Variants in NINL observed in about 807,000 individuals in gnomAD.
NINL encodes the protein ninein like.
Under a neutral mutation model 160.3 loss-of-function variants are expected in NINL, and 153 were observed. The ratio of observed to expected loss-of-function variants is 0.95; its 90% CI spans 0.84 to 1.09. NINL has a LOEUF of 1.09. NINL is among the 50% of genes least tolerant of loss of function. The pLI is 0.00. For missense variants in NINL, 1,829 were observed against 1,764.0 expected (o/e 1.04, Z -0.66); for synonymous variants, 800 against 734.8 (o/e 1.09, Z -1.43).
intron 17 of NINL, among the ~76,000 whole-genome samples, chr20:25,470,973 C>T (rs1021444914): frequency 6.6e-6 from 1 of 152,172 alleles, no homozygotes; most frequent in African/African-American, 2.4e-5. Flanking sequence ...TTTTTTCAGT[C>T]TGAAAATACT....
Position 25,489,164 on chromosome 20 carries a change from C to T in NINL, c.1677+80G>A, listed in dbSNP as rs537152589. ...GAGGCTCTCCCTGGAGCAGACACTC[C>T]TGCGTTACTGTGGACCACCTGCGTG... On this transcript the variant is annotated intron_variant, in intron 13 of 23. Transcript: ENST00000278886. 5.2e-5 allele frequency: 69 copies of T among 1,321,796 alleles called. No individual in the cohort carries two copies. In the African/African-American group the frequency reaches 7.9e-4, roughly 15 times the overall value. 81.9% of individuals were successfully genotyped at this position (1,321,796 alleles called of 1,614,324 possible).
At chr20:25,553,918 G>T (rs2064833511) in intron 1 of NINL, among the ~76,000 whole-genome samples, 1 of 152,222 alleles carries the variant, frequency 6.6e-6, no homozygotes, top group African/African-American at 2.4e-5. Context: ...GGCTCTTCTT[G>T]TTGTCTGAGG....
At chr20:25,553,373 T>A (rs2064828128) in intron 1 of NINL, among the ~76,000 whole-genome samples, 1 of 152,154 alleles carries the variant, frequency 6.6e-6, no homozygotes, top group Admixed American at 6.6e-5. Flanking sequence ...AGCCACTCAC[T>A]GGTCCCCGCC....
At chr20:25,504,811 G>C in intron 6 of NINL, 77 bp downstream of exon 6, 1 of 1,463,002 alleles carries the variant, frequency 6.8e-7, no homozygotes, top group Admixed American at 1.7e-5. Context: ...CTGAAGGGTA[G>C]AGGGGTTTCC....
At position 25,526,582 on chromosome 20, in the gene NINL, A is replaced by C. The variant is rs749721614; in HGVS notation, c.6T>G (p.Asp2Glu). 6 of 1,613,726 alleles carry C rather than the reference A, an allele frequency of 3.7e-6. No individual in the cohort carries two copies. The highest frequency in any genetic ancestry group is 1.1e-5 in the South Asian group (1 of 91,064). M[D>E]EEENHYVSQL... ...GCGAGACATAGTGGTTCTCTTCTTC[A>C]TCCATCCCATAGCAGGCTGGCAGTG... The change falls in exon 2 of 24, where the codon GAT becomes GAG. Residue 2 changes from aspartate (D) to glutamate (E), a missense_variant. By Grantham distance (45) the Asp-to-Glu change is conservative (BLOSUM62 2). Transcript: ENST00000278886.
intron 13 of NINL, among the ~76,000 whole-genome samples, chr20:25,484,138 C>T (rs753608032): frequency 1.4e-4 from 22 of 152,200 alleles, no homozygotes; most frequent in Non-Finnish European, 1.2e-4. Context: ...AGGTAACAAA[C>T]CTGCACAGGT....
chr20:25,580,961 G>A (rs1392460078), intron 1 of NINL, among the ~76,000 whole-genome samples: 1 of 152,240 alleles, frequency 6.6e-6, no homozygotes. Context: ...CCAAGGAATG[G>A]AACAGCAAAG....
rs753876678 is a variant in NINL at position 25,453,408 on chromosome 20, T to A, written c.*43A>T. 11 of 1,536,980 alleles carry A rather than the reference T, an allele frequency of 7.2e-6. No individual in the cohort carries two copies. The highest frequency in any genetic ancestry group is 8.8e-6 in the Non-Finnish European group (10 of 1,132,494). On this transcript the variant is annotated 3_prime_UTR_variant, in exon 24 of 24. Coordinates refer to ENST00000278886, the MANE Select transcript of NINL (RefSeq NM_025176.6). ...TCTAAGGCAGCACAGTGGCTTAATT[T>A]AAAAGATGTGCTTTCGAATGAATCC...
intron 10 of NINL, among the ~76,000 whole-genome samples, chr20:25,493,503 T>C (rs1216316910): frequency 6.6e-6 from 1 of 152,108 alleles, no homozygotes; most frequent in Non-Finnish European, 1.5e-5. Flanking sequence ...CCCGTGGGTC[T>C]CCCTGACATA....
chr20:25,480,701 C>T (rs987824349), intron 14 of NINL, among the ~76,000 whole-genome samples: 2 of 152,134 alleles, frequency 1.3e-5, no homozygotes, highest in Non-Finnish European at 2.9e-5. Flanking sequence ...GATAACCTTT[C>T]CTTGGTGGCC....
intron 1 of NINL, among the ~76,000 whole-genome samples, chr20:25,566,563 A>C (rs537667786): frequency 6.6e-6 from 1 of 152,318 alleles, no homozygotes; most frequent in African/African-American, 2.4e-5. Flanking sequence ...GACAACATAC[A>C]AAAAGATGAG....
chr20:25,525,224 G>A lies in NINL; in HGVS notation c.180+1184C>T, dbSNP rs571282292. ...CTGACAGGGCAGGTGAGGCTTCTTT[G>A]AGGAACTAACAAGAAGTCGGATTCA... On this transcript the variant is annotated intron_variant, in intron 2 of 23. Coordinates refer to ENST00000278886, the MANE Select transcript of NINL (RefSeq NM_025176.6). 2.4e-3 allele frequency among the ~76,000 whole-genome samples: 365 copies of A among 152,332 alleles called. 1 individual carries two copies. The highest frequency in any genetic ancestry group is 3.7e-3 in the Non-Finnish European group (252 of 68,032).
intron 1 of NINL, among the ~76,000 whole-genome samples, chr20:25,561,247 C>A (rs939341628): frequency 1.3e-5 from 2 of 152,132 alleles, no homozygotes; most frequent in African/African-American, 2.4e-5. Flanking sequence ...CTGTGTTGGC[C>A]GGGCTGGTCT....
intron 9 of NINL, among the ~76,000 whole-genome samples, chr20:25,497,833 C>T (rs867832663): frequency 1.8e-4 from 27 of 152,312 alleles, no homozygotes; most frequent in African/African-American, 4.8e-4. Flanking sequence ...CCTTCGAAAC[C>T]TCAATGAAAA....
chr20:25,566,659 T>C (rs1360367335), intron 1 of NINL, among the ~76,000 whole-genome samples: 2 of 152,148 alleles, frequency 1.3e-5, no homozygotes, highest in Non-Finnish European at 2.9e-5. Context: ...CCCGGCATGG[T>C]AACTCATGCC....
chr20:25,490,282 C>G (rs567608674), intron 11 of NINL, among the ~76,000 whole-genome samples: 1 of 152,052 alleles, frequency 6.6e-6, no homozygotes, highest in Non-Finnish European at 1.5e-5. Flanking sequence ...GGTGGAGAGC[C>G]GGGCACGGTG....
chr20:25,477,209 T>C, intron 16 of NINL, 120 bp from the exon 17 acceptor site: 1 of 957,148 alleles, frequency 1.0e-6, no homozygotes, highest in Non-Finnish European at 1.5e-6. Flanking sequence ...GCTTTCTTTA[T>C]CCCTCCTCGC....
At chr20:25,515,612 TC>T in intron 3 of NINL, among the ~76,000 whole-genome samples, 1 of 152,174 alleles carries the variant, frequency 6.6e-6, no homozygotes, top group South Asian at 2.1e-4. Context: ...TGGCTGTGTG[TC>T]CCCACCCAAA....
intron 17 of NINL, among the ~76,000 whole-genome samples, chr20:25,472,644 C>T (rs1308525508): frequency 6.6e-6 from 1 of 151,376 alleles, no homozygotes; most frequent in Non-Finnish European, 1.5e-5. Context: ...ATCCTCCCAT[C>T]TAGCCTCCCA....
Sources: gnomAD v4.1 joint callset for allele counts (sites outside exome capture counted in the v4.1 genomes callset) on GRCh38, gnomAD v4.1.1 for gene constraint, MANE v1.5 for transcripts, NCBI Gene and HGNC (gene_info 2026-07-23, HGNC 2026-07-21) for gene names.